BMPR2: variants seen among roughly 807,000 people sequenced by gnomAD.
The protein encoded by BMPR2 is bone morphogenetic protein receptor type 2, also known as bone morphogenetic protein receptor type-2.
Under a neutral mutation model 100.8 loss-of-function variants are expected in BMPR2, and 29 were observed. The ratio of observed to expected loss-of-function variants is 0.29; its 90% CI spans 0.21 to 0.39. The LOEUF (loss-of-function observed/expected upper bound fraction) is 0.39, where lower values mean the gene tolerates loss of function less well. BMPR2 is among the 10% of genes least tolerant of loss of function. The pLI, the probability that BMPR2 is intolerant of heterozygous loss-of-function variation, is 1.00. For missense variants in BMPR2, 1,011 were observed against 1,274.5 expected (o/e 0.79, Z 3.15); for synonymous variants, 382 against 442.3 (o/e 0.86, Z 1.71).
At chr2:202,470,715 G>C (rs549354106) in intron 3 of BMPR2, among the ~76,000 whole-genome samples, 1 of 148,774 alleles carries the variant, frequency 6.7e-6, no homozygotes, top group African/African-American at 2.5e-5. Flanking sequence ...AGTGAGCCGA[G>C]ATTGCGCCAC....
At chr2:202,483,282 A>G (rs1692697473) in intron 3 of BMPR2, among the ~76,000 whole-genome samples, 1 of 152,002 alleles carries the variant, frequency 6.6e-6, no homozygotes, top group African/African-American at 2.4e-5. Context: ...ATGATTTGCA[A>G]ATATTTTCTC....
chr2:202,535,355 C>A (rs530421188), intron 9 of BMPR2, among the ~76,000 whole-genome samples: 1 of 150,918 alleles, frequency 6.6e-6, no homozygotes, highest in East Asian at 2.0e-4. Flanking sequence ...AGAGGGTCTC[C>A]TCACTTCTCA....
At chr2:202,418,117 T>A (rs923640511) in intron 1 of BMPR2, among the ~76,000 whole-genome samples, 3 of 152,162 alleles carry the variant, frequency 2.0e-5, no homozygotes, top group Admixed American at 2.0e-4. Context: ...ATTCATGTGA[T>A]TTGCCGTACT....
intron 1 of BMPR2, among the ~76,000 whole-genome samples, chr2:202,406,763 C>T (rs989616567): frequency 6.6e-6 from 1 of 152,140 alleles, no homozygotes; most frequent in Non-Finnish European, 1.5e-5. Flanking sequence ...CTTGGTAATT[C>T]AAGTGTTTCA....
At chr2:202,529,275 G>A (rs753676019) in intron 7 of BMPR2, among the ~76,000 whole-genome samples, 1 of 152,164 alleles carries the variant, frequency 6.6e-6, no homozygotes, top group Non-Finnish European at 1.5e-5. Context: ...ATCTTGTTGT[G>A]CTTTCCTTTG....
At chr2:202,551,517 C>CT (rs1398945024) in intron 10 of BMPR2, among the ~76,000 whole-genome samples, 1 of 150,674 alleles carries the variant, frequency 6.6e-6, no homozygotes, top group Non-Finnish European at 1.5e-5. Flanking sequence ...TTGCAAGACT[C>CT]TATCTCAAAA....
At chr2:202,443,568 CTTCTTTT>C (rs1483659050) in intron 1 of BMPR2, among the ~76,000 whole-genome samples, 1 of 147,256 alleles carries the variant, frequency 6.8e-6, no homozygotes, top group African/African-American at 2.6e-5. Flanking sequence ...CTCTTTCTTT[CTTCTTTT>C]TTTTTCAAGA....
At chr2:202,489,412 A>C (rs1477546644) in intron 3 of BMPR2, among the ~76,000 whole-genome samples, 1 of 152,244 alleles carries the variant, frequency 6.6e-6, no homozygotes, top group African/African-American at 2.4e-5. Context: ...GGAATAAGAC[A>C]ATTATAAAAG....
At chr2:202,397,351 C>T (rs1188172118) in intron 1 of BMPR2, among the ~76,000 whole-genome samples, 2 of 152,116 alleles carry the variant, frequency 1.3e-5, no homozygotes, top group Admixed American at 6.6e-5. Context: ...CAGAAGTTAA[C>T]TATCAATTAA....
intron 1 of BMPR2, among the ~76,000 whole-genome samples, chr2:202,389,109 C>T (rs1690493964): frequency 6.6e-6 from 1 of 151,868 alleles, no homozygotes; most frequent in Admixed American, 6.6e-5. Flanking sequence ...TCTGTAGTAC[C>T]AGCTACTTGG....
intron 9 of BMPR2, among the ~76,000 whole-genome samples, chr2:202,539,722 G>A (rs1356106855): frequency 6.6e-6 from 1 of 151,884 alleles, no homozygotes; most frequent in Non-Finnish European, 1.5e-5. Flanking sequence ...AGAAGAGATA[G>A]AAAAAGGAAG....
chr2:202,460,155 T>C (rs1692198407), intron 1 of BMPR2, among the ~76,000 whole-genome samples: 1 of 152,174 alleles, frequency 6.6e-6, no homozygotes, highest in Admixed American at 6.6e-5. Context: ...TTATACACTG[T>C]TGGTGGGAGT....
rs754699350 is a variant in BMPR2 at position 202,513,707 on chromosome 2, G to T, written c.419-12G>T. 1 of 1,600,090 alleles carries T rather than the reference G, an allele frequency of 6.2e-7. No individual in the cohort carries two copies. ...AAAAAAAAATGACATTTCAAAATTT[G>T]TTTTCTTTTAGGTCCACCTCATTCA... is the stretch of plus-strand genomic sequence containing the variant. On this transcript the variant is annotated splice_polypyrimidine_tract_variant and intron_variant, in intron 3 of 12. Coordinates refer to ENST00000374580, the MANE Select transcript of BMPR2 (RefSeq NM_001204.7).
intron 3 of BMPR2, among the ~76,000 whole-genome samples, chr2:202,472,934 A>T (rs755188812): frequency 6.6e-6 from 1 of 152,220 alleles, no homozygotes; most frequent in African/African-American, 2.4e-5. Context: ...GGCAAACAAG[A>T]TCAGTTTTGG....
chr2:202,416,427 A>AT (rs57196325), intron 1 of BMPR2, among the ~76,000 whole-genome samples: 31,279 of 136,964 alleles, frequency 0.23, 4,863 homozygotes, highest in African/African-American at 0.45. Flanking sequence ...CACCTGGATA[A>AT]TTTTTTTTTT....
At chr2:202,412,656 G>C (rs1241964362) in intron 1 of BMPR2, among the ~76,000 whole-genome samples, 1 of 152,220 alleles carries the variant, frequency 6.6e-6, no homozygotes, top group African/African-American at 2.4e-5. Flanking sequence ...TTTATATTTG[G>C]CACCTATATT....
At chr2:202,464,704 A>G in intron 1 of BMPR2, 105 bp from the exon 2 acceptor site, 1 of 1,083,902 alleles carries the variant, frequency 9.2e-7, no homozygotes, top group Non-Finnish European at 1.3e-6. Flanking sequence ...CAGTTCAAAT[A>G]ATTTAGTAGG....
rs72489501 is a variant in BMPR2 at position 202,457,561 on chromosome 2, TAGAGAGAG to T, written c.77-7223_77-7216del. Among the ~76,000 whole-genome samples, 137 of 94,844 alleles carry T rather than the reference TAGAGAGAG, an allele frequency of 1.4e-3. 1 individual carries two copies. The highest frequency in any genetic ancestry group is 5.6e-3 in the Middle Eastern group (1 of 180). The allele number at this position is 94,844 out of a possible 152,430, so 62.2% of individuals were successfully genotyped here. On this transcript the variant is annotated intron_variant, in intron 1 of 12. Transcript: ENST00000374580. ...AATATTTTATATATATATATATATA[TAGAGAGAG>T]AGAGAGAGAGAGAGAGAGAGAGAGT... is the stretch of plus-strand genomic sequence containing the variant.
intron 1 of BMPR2, among the ~76,000 whole-genome samples, chr2:202,456,923 T>C (rs573504735): frequency 7.2e-5 from 11 of 152,332 alleles, no homozygotes; most frequent in African/African-American, 2.6e-4. Context: ...TATGTGGGTG[T>C]CTCTTAGAAG....
Sources: allele counts gnomAD v4.1 joint callset (sites outside exome capture counted in the v4.1 genomes callset), GRCh38; gene constraint gnomAD v4.1.1; transcripts MANE v1.5; gene names NCBI Gene and HGNC (gene_info 2026-07-23, HGNC 2026-07-21).